HACL2: variants seen among roughly 807,000 people sequenced by gnomAD.
HACL2 encodes the protein 2-hydroxyacyl-CoA lyase 2, also known as 2-hydroxyacyl-CoA lyase 1 like.
At chr19:15,122,917 C>A in the HACL2 span, 1 of 1,608,352 alleles carries the variant, frequency 6.2e-7, no homozygotes, top group Non-Finnish European at 8.5e-7. The surrounding 1 kb of genome is among the most constrained non-coding windows in gnomAD (Gnocchi z 4.0). Context: ...GGGCGGCAGC[C>A]ATCGCGGCCC....
chr19:15,123,233 G>A, the HACL2 span: 16 of 1,613,650 alleles, frequency 9.9e-6, no homozygotes, highest in East Asian at 1.3e-4. This position sits in a 1 kb window ranked among gnomAD's most constrained non-coding sequence, Gnocchi z 5.1. Context: ...CTGCCGCCAC[G>A]CCCACCGTCC....
the HACL2 span, among the ~76,000 whole-genome samples, chr19:15,120,382 C>T: frequency 6.6e-6 from 1 of 152,234 alleles, no homozygotes; most frequent in Non-Finnish European, 1.5e-5. Context: ...CAAGTCCTGG[C>T]TCTGTCACTT....
the HACL2 span, chr19:15,125,025 C>A: frequency 6.4e-7 from 1 of 1,574,498 alleles, no homozygotes. Context: ...GGGGAATAAG[C>A]TCCCAGCGGG....
chr19:15,125,037 G>A, the HACL2 span: 33 of 1,558,630 alleles, frequency 2.1e-5, no homozygotes, highest in Non-Finnish European at 2.7e-5. Flanking sequence ...CCCAGCGGGG[G>A]CGGCGGCCGC....
At chr19:15,115,190 C>A in the HACL2 span, 1 of 1,600,612 alleles carries the variant, frequency 6.2e-7, no homozygotes. Context: ...TGATGAGACT[C>A]CAAACCAGCT....
chr19:15,124,836 C>T, the HACL2 span: 1 of 1,511,146 alleles, frequency 6.6e-7, no homozygotes, highest in Non-Finnish European at 8.9e-7. Flanking sequence ...CGCTTTCCCA[C>T]CCTGCACAAT....
the HACL2 span, among the ~76,000 whole-genome samples, chr19:15,121,638 G>A: frequency 2.3e-3 from 353 of 151,588 alleles, 1 homozygote; most frequent in African/African-American, 8.1e-3. Flanking sequence ...ATGAAACCTC[G>A]TCTCTACTAA....
chr19:15,116,188 C>T, the HACL2 span: 17 of 1,613,762 alleles, frequency 1.1e-5, no homozygotes, highest in South Asian at 1.9e-4. Flanking sequence ...CGGGGCTGTA[C>T]CAGATGGGCA....
chr19:15,123,774 C>T, the HACL2 span: 2 of 594,906 alleles, frequency 3.4e-6, no homozygotes, highest in Non-Finnish European at 6.0e-6. The surrounding 1 kb of genome is among the most constrained non-coding windows in gnomAD (Gnocchi z 5.1). Context: ...ATCCTCTTGT[C>T]ATTACATCCC....
chr19:15,119,573 C>CA, the HACL2 span: 1 of 1,423,892 alleles, frequency 7.0e-7, no homozygotes, highest in Admixed American at 1.9e-5. Context: ...TTTTTTGAGA[C>CA]ACAGTTTCAC....
At chr19:15,122,825 C>T in the HACL2 span, 1 of 1,613,934 alleles carries the variant, frequency 6.2e-7, no homozygotes. The surrounding 1 kb of genome is among the most constrained non-coding windows in gnomAD (Gnocchi z 4.0). Context: ...AGGGAGGACG[C>T]TGAGTCCATA....
chr19:15,118,090 G>C, the HACL2 span: 1 of 1,560,636 alleles, frequency 6.4e-7, no homozygotes, highest in Non-Finnish European at 8.8e-7. Flanking sequence ...GTGGTGGACT[G>C]GATGCAAATG....
the HACL2 span, among the ~76,000 whole-genome samples, chr19:15,122,348 G>C: frequency 6.6e-6 from 1 of 152,100 alleles, no homozygotes; most frequent in Non-Finnish European, 1.5e-5. The surrounding 1 kb of genome is among the most constrained non-coding windows in gnomAD (Gnocchi z 4.0). Flanking sequence ...GAGGACGATG[G>C]GAAAGGTGGT....
the HACL2 span, chr19:15,115,652 A>AC: frequency 6.2e-7 from 1 of 1,613,738 alleles, no homozygotes; most frequent in African/African-American, 1.3e-5. Context: ...ATCATTCCCT[A>AC]CCAAGGCCAT....
chr19:15,125,226 G>A, the HACL2 span: 6 of 733,696 alleles, frequency 8.2e-6, no homozygotes, highest in Non-Finnish European at 1.3e-5. Context: ...CCCTTTGTGC[G>A]CCTAGGCTCG....
chr19:15,119,189 T>A, the HACL2 span: 1 of 1,583,502 alleles, frequency 6.3e-7, no homozygotes, highest in East Asian at 2.2e-5. Flanking sequence ...GACATCCGCC[T>A]TCTTCAGGGC....
At chr19:15,120,758 G>A in the HACL2 span, among the ~76,000 whole-genome samples, 2 of 152,200 alleles carry the variant, frequency 1.3e-5, no homozygotes, top group African/African-American at 4.8e-5. Context: ...GTTAAGGACA[G>A]GCCAAGACAG....
chr19:15,114,996 C>G, the HACL2 span: 3 of 576,406 alleles, frequency 5.2e-6, no homozygotes, highest in East Asian at 8.7e-5. Context: ...GTACTTGGGC[C>G]TACATGGGCC....
At chr19:15,123,807 G>A in the HACL2 span, 3 of 574,598 alleles carry the variant, frequency 5.2e-6, no homozygotes, top group African/African-American at 1.9e-5. The surrounding 1 kb of genome is among the most constrained non-coding windows in gnomAD (Gnocchi z 5.1). Context: ...GGACATCAAG[G>A]CTTGCCCAAG....
Sources: allele counts gnomAD v4.1 joint callset (sites outside exome capture counted in the v4.1 genomes callset), GRCh38; gene constraint gnomAD v4.1.1; non-coding constraint Gnocchi (gnomAD v3.1); transcripts MANE v1.5; gene names NCBI Gene and HGNC (gene_info 2026-07-23, HGNC 2026-07-21).